ARHGAP10: variants seen among roughly 807,000 people sequenced by gnomAD.
The protein encoded by ARHGAP10 is rho GTPase-activating protein 10.
ARHGAP10 carries 87 observed loss-of-function variants against 108.6 expected under a neutral mutation model. That is an observed-to-expected ratio of 0.80 (90% CI 0.67 to 0.96). The LOEUF (loss-of-function observed/expected upper bound fraction) is 0.96, where lower values mean the gene tolerates loss of function less well. ARHGAP10 is among the 40% of genes least tolerant of loss of function. The pLI is 0.00. For synonymous variants in ARHGAP10, 347 were observed against 341.1 expected (o/e 1.02, Z -0.19); for missense variants, 939 against 954.5 (o/e 0.98, Z 0.21).
rs1304296343 is a variant in ARHGAP10 at position 147,732,301 on chromosome 4, C to T, written c.-1C>T. On this transcript the variant is annotated 5_prime_UTR_variant, in exon 1 of 23. Transcript: ENST00000336498. ...CGCACCGCGCAGCGACCGCTGCCGT[C>T]ATGGGGCTGCAGCCCCTGGAGTTCA... The T allele has an allele frequency of 4.4e-6, 7 of 1,608,838 alleles. No homozygotes were observed. The highest frequency in any genetic ancestry group is 2.3e-5 in the East Asian group (1 of 44,396).
At chr4:147,752,884 C>T (rs1372615979) in intron 1 of ARHGAP10, among the ~76,000 whole-genome samples, 1 of 152,186 alleles carries the variant, frequency 6.6e-6, no homozygotes, top group Non-Finnish European at 1.5e-5. Flanking sequence ...TATCTCATGC[C>T]TGTGTTGCCA....
intron 1 of ARHGAP10, among the ~76,000 whole-genome samples, chr4:147,758,771 G>A (rs1729475831): frequency 6.6e-6 from 1 of 151,950 alleles, no homozygotes; most frequent in Non-Finnish European, 1.5e-5. Context: ...TTGAGGTCAG[G>A]AGTTCGAGAC....
intron 3 of ARHGAP10, among the ~76,000 whole-genome samples, chr4:147,837,641 C>CTTTTTTTTTTTTTTTTTT (rs1355564479): frequency 4.1e-4 from 6 of 14,726 alleles, no homozygotes; most frequent in South Asian, 6.9e-3. Context: ...TCTCTGGTCA[C>CTTTTTTTTTTTTTTTTTT]TGTTTTTTTT....
chr4:147,815,177 C>T (rs1732187335), intron 1 of ARHGAP10, among the ~76,000 whole-genome samples: 1 of 152,184 alleles, frequency 6.6e-6, no homozygotes, highest in East Asian at 1.9e-4. Flanking sequence ...CCGCCCTTGT[C>T]CACCTTCAGT....
At chr4:147,914,543 G>A (rs77523887) in intron 13 of ARHGAP10, among the ~76,000 whole-genome samples, 1 of 141,782 alleles carries the variant, frequency 7.1e-6, no homozygotes, top group Non-Finnish European at 1.5e-5. Flanking sequence ...TTTTAATTAC[G>A]CATGTTCTGC....
intron 1 of ARHGAP10, among the ~76,000 whole-genome samples, chr4:147,815,226 T>C (rs997749995): frequency 2.0e-5 from 3 of 152,204 alleles, no homozygotes; most frequent in African/African-American, 7.2e-5. Flanking sequence ...TACTTCCTGG[T>C]TGTATGACCT....
rs552340320 is a variant in ARHGAP10, at chr4:147,955,116, G to C, written c.1392-200G>C. On this transcript the variant is annotated intron_variant, in intron 15 of 22. Transcript: ENST00000336498. ...CTAGTAGGGATTTGTGGCTCCCTAG[G>C]CTTTGATAGTGCTTGGTGCCAACAG... Among the ~76,000 whole-genome samples the C allele has an allele frequency of 2.2e-4, 34 of 152,150 alleles. 1 individual carries two copies. In the East Asian group the frequency reaches 5.8e-3, roughly 26 times the overall value.
chr4:147,741,599 G>T (rs1003750789), intron 1 of ARHGAP10, among the ~76,000 whole-genome samples: 2 of 152,110 alleles, frequency 1.3e-5, no homozygotes, highest in Non-Finnish European at 2.9e-5. Context: ...AACACTGGCA[G>T]GTCTGCTTCC....
intron 1 of ARHGAP10, among the ~76,000 whole-genome samples, chr4:147,816,990 C>T (rs1311232801): frequency 2.6e-5 from 4 of 152,164 alleles, no homozygotes; most frequent in African/African-American, 7.2e-5. Context: ...CAGACCTTTG[C>T]GTAGTTGATA....
chr4:147,847,969 C>T lies in ARHGAP10; in HGVS notation c.384+747C>T, dbSNP rs188468193. Among the ~76,000 whole-genome samples the T allele has an allele frequency of 3.8e-3, 579 of 152,244 alleles. 2 individuals carry two copies. Among genetic ancestry groups the T allele is most frequent in the African/African-American group, 0.013 (556 of 41,548 alleles). Reference sequence around the variant, plus strand: ...TATGTACTTGAGAAAGAAAAAGTAACATTTGCATGCTGTTGACCATTTTTG... The same window carrying T: ...TATGTACTTGAGAAAGAAAAAGTAATATTTGCATGCTGTTGACCATTTTTG... On this transcript the variant is annotated intron_variant, in intron 4 of 22. Coordinates refer to ENST00000336498, the MANE Select transcript of ARHGAP10 (RefSeq NM_024605.4).
At chr4:147,917,839 G>GTCTT (rs35466591) in intron 13 of ARHGAP10, among the ~76,000 whole-genome samples, 19,927 of 151,924 alleles carry the variant, frequency 0.13, 2,974 homozygotes, top group African/African-American at 0.36. Context: ...TTACTCAGAG[G>GTCTT]TCTTAAAGTC....
rs371821694 is a variant in ARHGAP10, at chr4:147,878,412, G to A, written c.833-820G>A. Among the ~76,000 whole-genome samples, 82 of 152,114 alleles carry A rather than the reference G, an allele frequency of 5.4e-4. No homozygotes were observed. The South Asian group carries it at 6.8e-3, about 13-fold the overall frequency. On this transcript the variant is annotated intron_variant, in intron 8 of 22. Coordinates refer to ENST00000336498, the MANE Select transcript of ARHGAP10 (RefSeq NM_024605.4). ...GCCTGGCCCATACTTCATTTTTAAA[G>A]GCTAGCTTTCAATCATCAGTAAGAG...
intron 22 of ARHGAP10, among the ~76,000 whole-genome samples, chr4:148,067,504 G>C (rs1247385744): frequency 6.6e-6 from 1 of 152,238 alleles, no homozygotes. Context: ...ACTCTAGACA[G>C]CTCAGCCCAC....
chr4:147,917,219 CAG>C (rs1737025578), intron 13 of ARHGAP10: 1 of 152,208 alleles, frequency 6.6e-6, no homozygotes, highest in Non-Finnish European at 1.5e-5. Flanking sequence ...TGGCATTCTT[CAG>C]AGTGACCACA....
intron 1 of ARHGAP10, among the ~76,000 whole-genome samples, chr4:147,766,978 A>G (rs1729862029): frequency 6.6e-6 from 1 of 151,434 alleles, no homozygotes; most frequent in Non-Finnish European, 1.5e-5. Flanking sequence ...CCTCCAAAGT[A>G]GCTGGGATTA....
At chr4:147,738,008 GTGT>G (rs1187085629) in intron 1 of ARHGAP10, among the ~76,000 whole-genome samples, 4 of 149,990 alleles carry the variant, frequency 2.7e-5, no homozygotes, top group South Asian at 2.1e-4. Context: ...CCTTGTCGCT[GTGT>G]TGTTGTTGTT....
At chr4:147,802,117 C>T (rs1055476202) in intron 1 of ARHGAP10, among the ~76,000 whole-genome samples, 3 of 152,218 alleles carry the variant, frequency 2.0e-5, no homozygotes, top group Non-Finnish European at 4.4e-5. Flanking sequence ...TGGACTGACT[C>T]TGTTTTTCTT....
chr4:147,823,729 C>T (rs1427613619), intron 3 of ARHGAP10, among the ~76,000 whole-genome samples: 1 of 152,028 alleles, frequency 6.6e-6, no homozygotes, highest in Admixed American at 6.6e-5. Context: ...TGCCCTCCAG[C>T]CTGGGTGACA....
At chr4:148,070,660 G>A (rs997923402) in intron 22 of ARHGAP10, among the ~76,000 whole-genome samples, 4 of 152,238 alleles carry the variant, frequency 2.6e-5, no homozygotes, top group Non-Finnish European at 5.9e-5. Context: ...CGCAGTGAGG[G>A]TAAGAGTATT....
Sources: gnomAD v4.1 joint callset for allele counts (sites outside exome capture counted in the v4.1 genomes callset) on GRCh38, gnomAD v4.1.1 for gene constraint, MANE v1.5 for transcripts, NCBI Gene and HGNC (gene_info 2026-07-23, HGNC 2026-07-21) for gene names.